Variants in SGCD observed in about 807,000 individuals in gnomAD.
The protein encoded by SGCD is delta-sarcoglycan.
A neutral mutation model predicts 36.6 loss-of-function variants in SGCD; 18 were observed. The observed-to-expected ratio is 0.49, with a 90% CI of 0.34 to 0.73. The LOEUF (loss-of-function observed/expected upper bound fraction) is 0.73. Among genes scored for constraint, SGCD ranks in the 30% least tolerant of loss-of-function variants. SGCD has a pLI of 0.01. For missense variants in SGCD, 387 were observed against 346.7 expected, an observed-to-expected ratio of 1.12 and a Z score of -0.92; for synonymous variants, 133 against 130.6, an observed-to-expected ratio of 1.02 and a Z score of -0.12.
intron 3 of SGCD, among the ~76,000 whole-genome samples, chr5:156,310,364 A>G (rs915727953): frequency 6.6e-6 from 1 of 152,168 alleles, no homozygotes; most frequent in Non-Finnish European, 1.5e-5. Context: ...CATCTCTGTG[A>G]TGATAGTCAG....
intron 3 of SGCD, among the ~76,000 whole-genome samples, chr5:156,201,925 G>A (rs1168307686): frequency 1.3e-5 from 2 of 152,252 alleles, no homozygotes; most frequent in African/African-American, 4.8e-5. Context: ...CAGCTAATGA[G>A]GCCACAGGAG....
At chr5:155,912,816 C>CT (rs2113360052) in intron 1 of SGCD, among the ~76,000 whole-genome samples, 1 of 151,698 alleles carries the variant, frequency 6.6e-6, no homozygotes, top group Non-Finnish European at 1.5e-5. Flanking sequence ...AATTCTCTTC[C>CT]TAAATTTATA....
chr5:156,244,918 G>A (rs1442447082), intron 3 of SGCD, among the ~76,000 whole-genome samples: 1 of 152,170 alleles, frequency 6.6e-6, no homozygotes, highest in East Asian at 1.9e-4. Flanking sequence ...CCTACTAACA[G>A]ATTACTTAGA....
intron 4 of SGCD, among the ~76,000 whole-genome samples, chr5:156,554,153 T>C (rs755007161): frequency 3.3e-5 from 5 of 151,932 alleles, no homozygotes; most frequent in Non-Finnish European, 7.4e-5. Context: ...GCCAGGAGTT[T>C]GAGACCAGCC....
the SGCD span, among the ~76,000 whole-genome samples, chr5:155,761,575 C>CAG: frequency 1.4e-5 from 2 of 138,780 alleles, no homozygotes; most frequent in Non-Finnish European, 3.1e-5. Context: ...ATCAACTTCT[C>CAG]CGTCATCCTC....
At chr5:155,910,782 C>T (rs112998596) in intron 1 of SGCD, among the ~76,000 whole-genome samples, 13 of 152,018 alleles carry the variant, frequency 8.6e-5, no homozygotes, top group African/African-American at 3.1e-4. Context: ...AAAAAAATTC[C>T]CAGTTTTAGG....
intron 7 of SGCD, among the ~76,000 whole-genome samples, chr5:156,655,879 A>G (rs1763653092): frequency 6.6e-6 from 1 of 152,072 alleles, no homozygotes; most frequent in Non-Finnish European, 1.5e-5. Context: ...GCTGTTCATG[A>G]TCTGAAACAG....
intron 3 of SGCD, among the ~76,000 whole-genome samples, chr5:156,286,176 A>G (rs1395435905): frequency 6.6e-6 from 1 of 152,184 alleles, no homozygotes; most frequent in Non-Finnish European, 1.5e-5. Context: ...AGGAAACAAC[A>G]GGTGCTAGAG....
chr5:156,678,684 G>A (rs567298532), intron 7 of SGCD, among the ~76,000 whole-genome samples: 2 of 152,268 alleles, frequency 1.3e-5, no homozygotes, highest in South Asian at 4.1e-4. Flanking sequence ...AGATAACAAA[G>A]AGGAAATTAT....
At chr5:155,878,572 C>T (rs1755813027) in intron 1 of SGCD, among the ~76,000 whole-genome samples, 1 of 152,012 alleles carries the variant, frequency 6.6e-6, no homozygotes, top group African/African-American at 2.4e-5. Flanking sequence ...ATAAAACTAC[C>T]TTGATAAGAA....
At chr5:155,964,859 A>T (rs57362429) in intron 1 of SGCD, among the ~76,000 whole-genome samples, 1,812 of 152,226 alleles carry the variant, frequency 0.012, 46 homozygotes, top group African/African-American at 0.041. Context: ...TGCTACATAA[A>T]GGTCATTCAA....
chr5:156,673,214 T>C (rs2113663374), intron 7 of SGCD, among the ~76,000 whole-genome samples: 1 of 152,226 alleles, frequency 6.6e-6, no homozygotes, highest in East Asian at 1.9e-4. Flanking sequence ...TTTCCTGGGG[T>C]CTGTAGTTAT....
At chr5:155,851,880 A>G in the SGCD span, among the ~76,000 whole-genome samples, 1 of 152,210 alleles carries the variant, frequency 6.6e-6, no homozygotes, top group African/African-American at 2.4e-5. Context: ...AACCCAGTAC[A>G]CACACTCATC....
At chr5:156,633,861 C>A (rs1234534112) in intron 6 of SGCD, among the ~76,000 whole-genome samples, 4 of 152,098 alleles carry the variant, frequency 2.6e-5, no homozygotes, top group Non-Finnish European at 5.9e-5. Flanking sequence ...ATTTCCCTAG[C>A]CTGCAGGGTC....
chr5:155,839,575 T>C, the SGCD span, among the ~76,000 whole-genome samples: 1 of 152,222 alleles, frequency 6.6e-6, no homozygotes, highest in Non-Finnish European at 1.5e-5. Context: ...GATTCATTTT[T>C]GTCATTTTAA....
chr5:156,372,199 TAAA>T (rs1196848145), intron 3 of SGCD, among the ~76,000 whole-genome samples: 1 of 152,120 alleles, frequency 6.6e-6, no homozygotes, highest in Non-Finnish European at 1.5e-5. Flanking sequence ...AGAGCAAAAT[TAAA>T]AAACATGGCA....
intron 3 of SGCD, among the ~76,000 whole-genome samples, chr5:156,254,962 A>G (rs946476017): frequency 1.3e-5 from 2 of 152,200 alleles, no homozygotes; most frequent in African/African-American, 2.4e-5. Flanking sequence ...ATAATCTGCA[A>G]CTTTTTGAAC....
chr5:155,774,505 G>A, the SGCD span, among the ~76,000 whole-genome samples: 1 of 152,114 alleles, frequency 6.6e-6, no homozygotes, highest in Non-Finnish European at 1.5e-5. Context: ...TCACTGTGCT[G>A]AAGTCAAAGT....
chr5:156,223,745 G>C (rs963160319), intron 3 of SGCD, among the ~76,000 whole-genome samples: 2 of 152,168 alleles, frequency 1.3e-5, no homozygotes, highest in Admixed American at 6.5e-5. Flanking sequence ...ATGCAGAGGG[G>C]GGATAGAAGT....
Sources: allele counts gnomAD v4.1 joint callset (sites outside exome capture counted in the v4.1 genomes callset), GRCh38; gene constraint gnomAD v4.1.1; transcripts MANE v1.5; gene names NCBI Gene and HGNC (gene_info 2026-07-23, HGNC 2026-07-21).